Variants in SUPT3H observed in about 807,000 individuals in gnomAD.
SUPT3H encodes transcription initiation protein SPT3 homolog.
SUPT3H carries 44 observed loss-of-function variants against 44.3 expected under a neutral mutation model. That is an observed-to-expected ratio of 0.99 (90% CI 0.78 to 1.28). SUPT3H has a LOEUF of 1.28. SUPT3H is among the 50% of genes most tolerant of loss of function. The probability of loss-of-function intolerance (pLI) is 0.00; values close to 1 mark genes in which losing one functional copy is unlikely to be tolerated. For missense variants in SUPT3H, 380 were observed against 387.1 expected (o/e 0.98, Z 0.15); for synonymous variants, 124 against 125.6 (o/e 0.99, Z 0.09).
chr6:45,263,195 A>G (rs926995578), intron 2 of SUPT3H, among the ~76,000 whole-genome samples: 1 of 152,146 alleles, frequency 6.6e-6, no homozygotes, highest in African/African-American at 2.4e-5. Flanking sequence ...TATGTTCAGC[A>G]CAGCAGGGTT....
rs189735614 is a variant in SUPT3H, at chr6:45,068,984, A to T, written c.186+36938T>A. Among the ~76,000 whole-genome samples the T allele has an allele frequency of 7.0e-3, 1,068 of 151,646 alleles. 12 individuals carry two copies. The highest frequency in any genetic ancestry group is 0.019 in the African/African-American group (794 of 41,398). On this transcript the variant is annotated intron_variant, in intron 3 of 10. Transcript: ENST00000371459. ...TTGTGGAGTTTTACTTTGCAAAAAA[A>T]AAAAAATAAAAAAAATAAAATAAAA...
chr6:45,030,796 T>C (rs1310523954), intron 3 of SUPT3H, among the ~76,000 whole-genome samples: 1 of 152,200 alleles, frequency 6.6e-6, no homozygotes, highest in African/African-American at 2.4e-5. Context: ...TAATTTTGTC[T>C]TTTTGTTGAG....
chr6:45,333,509 G>T (rs1202645584), intron 2 of SUPT3H, among the ~76,000 whole-genome samples: 1 of 151,508 alleles, frequency 6.6e-6, no homozygotes, highest in Non-Finnish European at 1.5e-5. Context: ...GAACAGTGTT[G>T]AGTGGATGTA....
chr6:45,267,103 A>G (rs1383767408), intron 2 of SUPT3H, among the ~76,000 whole-genome samples: 2 of 152,198 alleles, frequency 1.3e-5, no homozygotes. Context: ...TTATATATAC[A>G]CAAGTATTCC....
chr6:45,307,281 A>G (rs1037452492), intron 2 of SUPT3H, among the ~76,000 whole-genome samples: 5 of 152,204 alleles, frequency 3.3e-5, no homozygotes, highest in African/African-American at 1.2e-4. Context: ...GGGTTCTCCC[A>G]GCACACAGCT....
chr6:44,954,989 A>C (rs1436749644), intron 7 of SUPT3H, among the ~76,000 whole-genome samples: 1 of 152,234 alleles, frequency 6.6e-6, no homozygotes, highest in Non-Finnish European at 1.5e-5. Context: ...TAATTTACTC[A>C]TATAGAAAGA....
chr6:45,041,791 A>G (rs1188081371), intron 3 of SUPT3H, among the ~76,000 whole-genome samples: 2 of 152,172 alleles, frequency 1.3e-5, no homozygotes, highest in African/African-American at 4.8e-5. Context: ...TATTGTAAAG[A>G]TATCTGTATA....
At chr6:44,852,284 C>T (rs559713829) in intron 10 of SUPT3H, among the ~76,000 whole-genome samples, 1 of 152,264 alleles carries the variant, frequency 6.6e-6, no homozygotes, top group African/African-American at 2.4e-5. Flanking sequence ...TTCCACTCTA[C>T]TATTTTTTCC....
At chr6:45,276,279 C>G (rs1017002111) in intron 2 of SUPT3H, among the ~76,000 whole-genome samples, 1 of 150,856 alleles carries the variant, frequency 6.6e-6, no homozygotes, top group Admixed American at 7.0e-5. Context: ...TATATTAGTA[C>G]CATTTAACAT....
intron 2 of SUPT3H, among the ~76,000 whole-genome samples, chr6:45,193,584 C>T (rs1191038284): frequency 1.3e-5 from 2 of 151,996 alleles, no homozygotes; most frequent in African/African-American, 2.4e-5. Flanking sequence ...GGCATGGTGA[C>T]GGGCACCTGT....
At chr6:44,992,845 A>C (rs1780776622) in intron 6 of SUPT3H, among the ~76,000 whole-genome samples, 1 of 152,124 alleles carries the variant, frequency 6.6e-6, no homozygotes. Flanking sequence ...GTAAGAGATT[A>C]TATATCCAGA....
At chr6:44,960,806 G>C (rs965060378) in intron 7 of SUPT3H, among the ~76,000 whole-genome samples, 1 of 151,646 alleles carries the variant, frequency 6.6e-6, no homozygotes, top group Non-Finnish European at 1.5e-5. Flanking sequence ...AGTATATTTA[G>C]TCAGAAAAAA....
intron 3 of SUPT3H, among the ~76,000 whole-genome samples, chr6:45,058,973 T>C (rs1196830277): frequency 2.0e-5 from 3 of 152,154 alleles, no homozygotes; most frequent in African/African-American, 4.8e-5. Context: ...TTAAGCACTT[T>C]GTACCTTTTT....
At chr6:45,005,056 A>T (rs1782512916) in intron 5 of SUPT3H, among the ~76,000 whole-genome samples, 1 of 152,178 alleles carries the variant, frequency 6.6e-6, no homozygotes, top group Admixed American at 6.6e-5. Flanking sequence ...ATTCACAAGG[A>T]TGGAACTACT....
intron 10 of SUPT3H, among the ~76,000 whole-genome samples, chr6:44,858,972 T>A (rs1408321195): frequency 6.6e-6 from 1 of 152,204 alleles, no homozygotes; most frequent in African/African-American, 2.4e-5. Context: ...AATCTGGAAT[T>A]GAAAATGATT....
chr6:45,149,725 A>C (rs969110094), intron 2 of SUPT3H, among the ~76,000 whole-genome samples: 1 of 152,184 alleles, frequency 6.6e-6, no homozygotes, highest in Non-Finnish European at 1.5e-5. Flanking sequence ...GTGCTAAGCA[A>C]AGTCTAAAAA....
At chr6:45,083,229 T>A (rs190718139) in intron 3 of SUPT3H, among the ~76,000 whole-genome samples, 278 of 151,450 alleles carry the variant, frequency 1.8e-3, no homozygotes, top group African/African-American at 6.6e-3. Flanking sequence ...TCTCACTCTG[T>A]AGCCCAGGCC....
intron 3 of SUPT3H, among the ~76,000 whole-genome samples, chr6:45,068,943 A>C (rs1361945462): frequency 6.6e-6 from 1 of 151,958 alleles, no homozygotes; most frequent in East Asian, 1.9e-4. Flanking sequence ...ATTCTATTAA[A>C]AAACAAAATG....
intron 3 of SUPT3H, among the ~76,000 whole-genome samples, chr6:45,050,181 G>A (rs1344330671): frequency 1.3e-5 from 2 of 152,072 alleles, no homozygotes; most frequent in African/African-American, 4.8e-5. Context: ...CACTGCAGCA[G>A]ATTATCTAGG....
Sources: gnomAD v4.1 joint callset for allele counts (sites outside exome capture counted in the v4.1 genomes callset) on GRCh38, gnomAD v4.1.1 for gene constraint, MANE v1.5 for transcripts, NCBI Gene and HGNC (gene_info 2026-07-23, HGNC 2026-07-21) for gene names.